NTRK3: variants seen among roughly 807,000 people sequenced by gnomAD.
NTRK3 encodes the protein NT-3 growth factor receptor.
NTRK3 carries 24 observed loss-of-function variants against 91.7 expected under a neutral mutation model. The observed-to-expected ratio is 0.26, with a 90% confidence interval of 0.19 to 0.37. The LOEUF is 0.37. Among genes scored for constraint, NTRK3 ranks in the 10% least tolerant of loss-of-function variants. NTRK3 has a pLI of 1.00. For synonymous variants in NTRK3, 483 were observed against 404.0 expected (o/e 1.20, Z -2.34); for missense variants, 880 against 1,068.9 (o/e 0.82, Z 2.46).
At chr15:88,032,260 C>G (rs2078607653) in intron 14 of NTRK3, among the ~76,000 whole-genome samples, 1 of 152,034 alleles carries the variant, frequency 6.6e-6, no homozygotes. Context: ...TTGGAACCAA[C>G]AGGAGAGGGG....
At chr15:87,977,285 G>GA (rs1400113852) in intron 14 of NTRK3, 1 of 177,106 alleles carries the variant, frequency 5.6e-6, no homozygotes, top group African/African-American at 2.4e-5. Flanking sequence ...AGGAAAACAG[G>GA]AAAAAATGCA....
At position 87,912,931 on chromosome 15, in the gene NTRK3, AATATATATAT is replaced by A. The variant is rs58367924; in HGVS notation, c.2133+16250_2133+16259del. On this transcript the variant is annotated intron_variant, in intron 17 of 18. Transcript: ENST00000394480. ...TTCAACTTTTCAAAAAGTAAAAAAA[AATATATATAT>A]ATATATATATATATATATATATATA... Among the ~76,000 whole-genome samples, 200 of 36,484 alleles carry A rather than the reference AATATATATAT, an allele frequency of 5.5e-3. 3 individuals carry two copies. Among genetic ancestry groups the A allele is most frequent in the East Asian group, 8.0e-3 (10 of 1,256 alleles). 23.9% of individuals were successfully genotyped at this position (36,484 alleles called of 152,430 possible). A position where few individuals can be genotyped will look rare whatever the true frequency, so the allele number is the denominator to read the frequency against.
intron 17 of NTRK3, among the ~76,000 whole-genome samples, chr15:87,901,323 C>T (rs2066441064): frequency 6.6e-6 from 1 of 152,222 alleles, no homozygotes; most frequent in South Asian, 2.1e-4. Flanking sequence ...AACACACATT[C>T]CTGTTTCCAA....
At chr15:88,064,970 T>A (rs1228890451) in intron 13 of NTRK3, among the ~76,000 whole-genome samples, 1 of 152,194 alleles carries the variant, frequency 6.6e-6, no homozygotes, top group Non-Finnish European at 1.5e-5. Flanking sequence ...TCTTCGTATC[T>A]CCAAAGCCTG....
chr15:87,983,121 C>G (rs1011671518), intron 14 of NTRK3, among the ~76,000 whole-genome samples: 24 of 152,260 alleles, frequency 1.6e-4, no homozygotes, highest in Non-Finnish European at 3.4e-4. Context: ...CAAACATCCC[C>G]TCTTCAAATG....
chr15:88,021,587 CTTT>C (rs201183733), intron 14 of NTRK3, among the ~76,000 whole-genome samples: 4 of 149,546 alleles, frequency 2.7e-5, no homozygotes, highest in African/African-American at 9.8e-5. Context: ...TACCATGAAA[CTTT>C]TTTTTTTTAA....
intron 13 of NTRK3, among the ~76,000 whole-genome samples, chr15:88,059,983 C>G (rs1384324463): frequency 6.6e-6 from 1 of 152,162 alleles, no homozygotes; most frequent in Non-Finnish European, 1.5e-5. Context: ...CTACCACTAC[C>G]TTGAGCTTGA....
At chr15:87,989,240 C>T (rs533216842) in intron 14 of NTRK3, among the ~76,000 whole-genome samples, 1 of 152,296 alleles carries the variant, frequency 6.6e-6, no homozygotes, top group East Asian at 1.9e-4. Context: ...ATAGTGAAGA[C>T]TTGGAACCAA....
rs1365282748 is a variant in NTRK3, at chr15:87,899,911, C to T, written c.2134-19483G>A. ...CAAGGAGAAGGTGGAAACAATTAGC[C>T]TTCTCACACACCTAAAGCTTTCTTG... is the stretch of plus-strand genomic sequence containing the variant. On this transcript the variant is annotated intron_variant, in intron 17 of 18. Coordinates refer to ENST00000394480, the Ensembl canonical transcript of NTRK3. Among the ~76,000 whole-genome samples the T allele has an allele frequency of 2.0e-5, 3 of 152,258 alleles. No homozygotes were observed. The East Asian group carries it at 5.8e-4, about 29-fold the overall frequency.
chr15:87,881,514 G>A (rs1051815979), intron 17 of NTRK3, among the ~76,000 whole-genome samples: 1 of 151,906 alleles, frequency 6.6e-6, no homozygotes, highest in East Asian at 1.9e-4. Flanking sequence ...CCACCTCCCG[G>A]GTTCACGCCA....
intron 13 of NTRK3, among the ~76,000 whole-genome samples, chr15:88,056,033 A>C (rs988946047): frequency 1.9e-4 from 29 of 152,124 alleles, no homozygotes; most frequent in African/African-American, 7.0e-4. Flanking sequence ...CTTGTGGGCA[A>C]ACTGGAGAGA....
chr15:87,965,215 G>C (rs2072677810), intron 14 of NTRK3, among the ~76,000 whole-genome samples: 1 of 152,224 alleles, frequency 6.6e-6, no homozygotes, highest in Non-Finnish European at 1.5e-5. Context: ...GATAATTTAT[G>C]TGTTTGTGTG....
chr15:88,123,905 AC>A (rs2053005256), intron 13 of NTRK3, among the ~76,000 whole-genome samples: 1 of 152,186 alleles, frequency 6.6e-6, no homozygotes, highest in Non-Finnish European at 1.5e-5. Flanking sequence ...ATCAGACTTA[AC>A]GAGTCTATTC....
At chr15:88,068,353 C>A (rs964429129) in intron 13 of NTRK3, among the ~76,000 whole-genome samples, 1 of 152,110 alleles carries the variant, frequency 6.6e-6, no homozygotes, top group Non-Finnish European at 1.5e-5. Context: ...ATTGCTTGAA[C>A]CCGGGAGGTG....
At chr15:87,962,003 C>A (rs748603703) in intron 14 of NTRK3, among the ~76,000 whole-genome samples, 1 of 152,204 alleles carries the variant, frequency 6.6e-6, no homozygotes, top group African/African-American at 2.4e-5. Context: ...ATAGGAAGGG[C>A]CAGCACCCAG....
chr15:88,153,359 A>C (rs2043574112), intron 5 of NTRK3, among the ~76,000 whole-genome samples: 1 of 151,824 alleles, frequency 6.6e-6, no homozygotes, highest in African/African-American at 2.4e-5. Flanking sequence ...TCTTCTGCCT[A>C]CGCCTCCCGA....
chr15:87,878,615 T>C (rs920483734), intron 18 of NTRK3, among the ~76,000 whole-genome samples: 13 of 152,232 alleles, frequency 8.5e-5, no homozygotes, highest in African/African-American at 2.7e-4. Context: ...TCTTCTAATG[T>C]TGGACTATCC....
At chr15:87,939,793 C>T (rs113559588) in intron 15 of NTRK3, among the ~76,000 whole-genome samples, 17 of 152,312 alleles carry the variant, frequency 1.1e-4, no homozygotes, top group African/African-American at 4.1e-4. Flanking sequence ...CTGTGCGTGC[C>T]TCCATGAGGC....
At chr15:87,886,684 A>ATATATATATATATG (rs1555429892) in intron 17 of NTRK3, among the ~76,000 whole-genome samples, 9 of 140,320 alleles carry the variant, frequency 6.4e-5, no homozygotes, top group Admixed American at 1.4e-4. Flanking sequence ...TGCTATATAT[A>ATATATATATATATG]TATATATATA....
Sources: allele counts gnomAD v4.1 joint callset (sites outside exome capture counted in the v4.1 genomes callset), GRCh38; gene constraint gnomAD v4.1.1; transcripts MANE v1.5; gene names NCBI Gene and HGNC (gene_info 2026-07-23, HGNC 2026-07-21).